DEK: variants seen among roughly 807,000 people sequenced by gnomAD.
DEK encodes the protein protein DEK.
DEK carries 28 observed loss-of-function variants against 46.8 expected under a neutral mutation model. The ratio of observed to expected loss-of-function variants is 0.60; its 90% CI spans 0.44 to 0.82. The LOEUF (loss-of-function observed/expected upper bound fraction) is 0.82. DEK is among the 40% of genes least tolerant of loss of function. The pLI, the probability that DEK is intolerant of heterozygous loss-of-function variation, is 0.00. For synonymous variants in DEK, 160 were observed against 144.5 expected (o/e 1.11, Z -0.77); for missense variants, 416 against 430.6 (o/e 0.97, Z 0.30).
rs774790516 is a variant in DEK, at chr6:18,263,957, C to T, written c.31G>A (p.Glu11Lys). 5.6e-6 allele frequency: 9 copies of T among 1,612,664 alleles called. No individual in the cohort carries two copies. The highest frequency in any genetic ancestry group is 7.6e-6 in the Non-Finnish European group (9 of 1,179,512). MSASAPAAEG[E>K]GTPTQPASEK... ...GACGCGGGCTGGGTGGGGGTTCCCT[C>T]CCCCTCCGCAGCAGGGGCCGAGGCG... Residue 11 changes from glutamate to lysine, a missense_variant, in exon 2 of 11, where the codon GAG becomes AAG. Transcript: ENST00000652689.
At chr6:18,233,655 T>C (rs909655765) in intron 9 of DEK, among the ~76,000 whole-genome samples, 1 of 152,198 alleles carries the variant, frequency 6.6e-6, no homozygotes, top group Non-Finnish European at 1.5e-5. Flanking sequence ...AGATACCATG[T>C]CACACCAGTT....
intron 7 of DEK, among the ~76,000 whole-genome samples, chr6:18,238,400 G>A (rs1020878035): frequency 1.1e-4 from 17 of 151,758 alleles, no homozygotes; most frequent in Non-Finnish European, 2.4e-4. Context: ...CATAAATATG[G>A]ATAGATTAAA....
chr6:18,234,271 G>C (rs1031398194), intron 9 of DEK, among the ~76,000 whole-genome samples: 2 of 117,934 alleles, frequency 1.7e-5, no homozygotes, highest in African/African-American at 8.2e-5. Flanking sequence ...ACATCAACAT[G>C]GCACATGGAT....
At chr6:18,256,041 G>A (rs1408837147) in intron 5 of DEK, among the ~76,000 whole-genome samples, 190 bp from the exon 6 acceptor site, 3 of 151,172 alleles carry the variant, frequency 2.0e-5, no homozygotes, top group South Asian at 4.2e-4. Flanking sequence ...AGGCTGGAGT[G>A]CAATGGCCCA....
At chr6:18,259,463 A>G (rs1791757827) in intron 2 of DEK, among the ~76,000 whole-genome samples, 1 of 150,574 alleles carries the variant, frequency 6.6e-6, no homozygotes, top group Non-Finnish European at 1.5e-5. Context: ...ATACTTCAAA[A>G]TTCAAAACAT....
chr6:18,260,828 C>G (rs367841407), intron 2 of DEK, among the ~76,000 whole-genome samples: 1 of 151,612 alleles, frequency 6.6e-6, no homozygotes, highest in African/African-American at 2.4e-5. Context: ...TGGTAAAACC[C>G]TGCCTCTACA....
rs776698991 is a variant in DEK at position 18,258,007 on chromosome 6, C to T, written c.303G>A (p.Lys101=). The T allele has an allele frequency of 1.9e-6, 3 of 1,602,896 alleles. No individual in the cohort carries two copies. Among genetic ancestry groups the T allele is most frequent in the South Asian group, 2.3e-5 (2 of 88,524 alleles). Residue 101 remains lysine, a synonymous_variant, in exon 4 of 11, where the codon AAG becomes AAA. Transcript: ENST00000652689. ...IERIHFFLSK[K]KTDELRNLHK... The stretch of plus-strand genomic sequence containing the variant: ...GTAGATTTCTAAGTTCATCGGTTTT[C>T]TTCTTACTTAGAAAAAAATGTATCC...
intron 9 of DEK, among the ~76,000 whole-genome samples, chr6:18,229,236 A>G (rs916484734): frequency 3.9e-5 from 6 of 152,248 alleles, no homozygotes; most frequent in Non-Finnish European, 8.8e-5. Context: ...TCTGTACGTC[A>G]CCATCATCAA....
chr6:18,240,875 C>A (rs1330456851), intron 7 of DEK, among the ~76,000 whole-genome samples: 1 of 152,182 alleles, frequency 6.6e-6, no homozygotes, highest in Non-Finnish European at 1.5e-5. Context: ...TCAATAACAA[C>A]TGTATTAACT....
chr6:18,254,755 T>C (rs997466507), intron 6 of DEK, among the ~76,000 whole-genome samples: 1 of 152,188 alleles, frequency 6.6e-6, no homozygotes, highest in Non-Finnish European at 1.5e-5. Flanking sequence ...AAAGTACAAG[T>C]ATAGCTATAG....
intron 9 of DEK, among the ~76,000 whole-genome samples, chr6:18,233,012 T>C (rs529993111): frequency 2.6e-5 from 4 of 152,192 alleles, no homozygotes; most frequent in African/African-American, 9.6e-5. Flanking sequence ...TATAGACCAA[T>C]GGAACAGAAC....
At chr6:18,235,651 T>G (rs28637488) in intron 9 of DEK, among the ~76,000 whole-genome samples, 1 of 152,146 alleles carries the variant, frequency 6.6e-6, no homozygotes, top group Admixed American at 6.6e-5. Flanking sequence ...CCTGTAACAT[T>G]AAAAAAAATT....
At chr6:18,253,099 C>G (rs917249284) in intron 6 of DEK, among the ~76,000 whole-genome samples, 3 of 151,908 alleles carry the variant, frequency 2.0e-5, no homozygotes, top group African/African-American at 7.3e-5. Context: ...TCATAGAACC[C>G]CACATTTTTT....
At chr6:18,232,198 A>G (rs1334483247) in intron 9 of DEK, among the ~76,000 whole-genome samples, 1 of 152,218 alleles carries the variant, frequency 6.6e-6, no homozygotes, top group Non-Finnish European at 1.5e-5. Context: ...TAAATTAGGT[A>G]GTGATGTGAC....
intron 7 of DEK, among the ~76,000 whole-genome samples, chr6:18,248,079 T>C (rs778031741): frequency 6.6e-6 from 1 of 152,190 alleles, no homozygotes; most frequent in Non-Finnish European, 1.5e-5. Context: ...CAACTAATAC[T>C]TACATACTAT....
chr6:18,254,956 G>C (rs1791541760), intron 6 of DEK, among the ~76,000 whole-genome samples: 3 of 152,112 alleles, frequency 2.0e-5, no homozygotes, highest in Admixed American at 2.0e-4. Flanking sequence ...GCTATTTTCT[G>C]GTTTTGATTA....
At position 18,263,873 on chromosome 6, in the gene DEK, C is replaced by T; in HGVS notation, c.115G>A (p.Asp39Asn). 1 of 1,612,934 alleles carries T rather than the reference C, an allele frequency of 6.2e-7. No homozygotes were observed. The highest frequency in any genetic ancestry group is 8.5e-7 in the Non-Finnish European group (1 of 1,179,444). The change falls in exon 2 of 11, where the codon GAC becomes AAC. Residue 39 changes from aspartate to asparagine, a missense_variant. Transcript: ENST00000652689. ...TCCTCCTCCTCCTCCTCCTCGTCGT[C>T]CTCGTCCTCTTCCTCCTCGCTCTCC... ...REESEEEEDE[D>N]DEEEEEEEKE...
intron 7 of DEK, chr6:18,244,517 A>AT (rs1261388912): frequency 7.8e-7 from 1 of 1,287,970 alleles, no homozygotes; most frequent in Non-Finnish European, 1.0e-6. Flanking sequence ...CCTATGATTT[A>AT]TAGGCAGCAG....
chr6:18,227,505 C>T (rs534459306), intron 9 of DEK, among the ~76,000 whole-genome samples: 18 of 152,272 alleles, frequency 1.2e-4, no homozygotes, highest in South Asian at 6.2e-4. Context: ...TCCCCCTCTC[C>T]GAGAAACACC....
Sources: gnomAD v4.1 joint callset for allele counts (sites outside exome capture counted in the v4.1 genomes callset) on GRCh38, gnomAD v4.1.1 for gene constraint, MANE v1.5 for transcripts, NCBI Gene and HGNC (gene_info 2026-07-23, HGNC 2026-07-21) for gene names.